The following ZFYVE9 variants were observed in gnomAD, a reference collection of about 807,000 sequenced individuals.
ZFYVE9 encodes zinc finger FYVE domain-containing protein 9.
ZFYVE9 carries 43 observed loss-of-function variants against 126.7 expected under a neutral mutation model. The observed-to-expected ratio is 0.34, with a 90% CI of 0.27 to 0.44. The LOEUF (loss-of-function observed/expected upper bound fraction) is 0.44, where lower values mean the gene tolerates loss of function less well. Among genes scored for constraint, ZFYVE9 ranks in the 20% least tolerant of loss-of-function variants. The probability of loss-of-function intolerance (pLI) is 1.00; values close to 1 mark genes in which losing one functional copy is unlikely to be tolerated. For missense variants in ZFYVE9, 1,476 were observed against 1,697.0 expected, an observed-to-expected ratio of 0.87 and a Z score of 2.29; for synonymous variants, 521 against 597.4, an observed-to-expected ratio of 0.87 and a Z score of 1.87.
rs556024128 is a variant in ZFYVE9, at chr1:52,142,522, C to T, written c.-143+119C>T. On this transcript the variant is annotated intron_variant, in intron 1 of 18. Coordinates refer to ENST00000287727, the MANE Select transcript of ZFYVE9 (RefSeq NM_004799.4). This position sits in a 1 kb window ranked among gnomAD's most constrained non-coding sequence, Gnocchi z 4.5. ...CTGCCACTGCGGTCGCCTCCCCCAC[C>T]CTGCGGTCCTGGGGCCTCAGCCCTT... The T allele has an allele frequency of 6.6e-6, 1 of 152,266 alleles. No homozygotes were observed. Among genetic ancestry groups the T allele is most frequent in the Non-Finnish European group, 1.5e-5 (1 of 68,010 alleles). The allele number at this position is 152,266 out of a possible 1,614,324, so 9.4% of individuals were successfully genotyped here.
At chr1:52,263,136 G>C (rs1408972416) in intron 4 of ZFYVE9, among the ~76,000 whole-genome samples, 2 of 151,232 alleles carry the variant, frequency 1.3e-5, no homozygotes, top group African/African-American at 4.9e-5. Context: ...GATTGTTGTT[G>C]CCTGGTGTAG....
At chr1:52,243,767 A>G (rs1457745598) in intron 4 of ZFYVE9, among the ~76,000 whole-genome samples, 1 of 151,982 alleles carries the variant, frequency 6.6e-6, no homozygotes, top group Non-Finnish European at 1.5e-5. Flanking sequence ...CTCCACTAAA[A>G]AAAAAAAAAT....
chr1:52,299,893 G>A (rs965299442), intron 12 of ZFYVE9, among the ~76,000 whole-genome samples: 5 of 152,242 alleles, frequency 3.3e-5, no homozygotes, highest in Non-Finnish European at 5.9e-5. Context: ...CAACTCTGGA[G>A]CAGTGTAGTC....
chr1:52,298,950 A>G (rs1027825462), intron 12 of ZFYVE9, among the ~76,000 whole-genome samples: 4 of 151,724 alleles, frequency 2.6e-5, no homozygotes, highest in African/African-American at 9.7e-5. Context: ...CTGGGACTAC[A>G]GGTGCCCGCC....
chr1:52,147,044 T>C (rs1368013268), intron 1 of ZFYVE9, among the ~76,000 whole-genome samples: 1 of 152,152 alleles, frequency 6.6e-6, no homozygotes, highest in African/African-American at 2.4e-5. Context: ...CTTTGTTTCA[T>C]GTACAAAATT....
intron 1 of ZFYVE9, among the ~76,000 whole-genome samples, chr1:52,197,969 A>C (rs61782513): frequency 4.7e-4 from 72 of 152,282 alleles, no homozygotes; most frequent in Non-Finnish European, 9.3e-4. Flanking sequence ...TGGCCTCAGA[A>C]TTTGAGTGAG....
intron 4 of ZFYVE9, among the ~76,000 whole-genome samples, chr1:52,241,326 T>G (rs1645331827): frequency 6.6e-6 from 1 of 152,194 alleles, no homozygotes; most frequent in South Asian, 2.1e-4. Context: ...ACTGGGCTTG[T>G]TGGTCTCTGA....
intron 9 of ZFYVE9, 117 bp downstream of exon 9, chr1:52,278,731 CTTTT>C: frequency 1.0e-5 from 5 of 480,678 alleles, no homozygotes; most frequent in South Asian, 6.4e-5. Flanking sequence ...TTTTTTTTTT[CTTTT>C]TTTTTTTTTG....
At chr1:52,181,996 G>T (rs930031604) in intron 1 of ZFYVE9, among the ~76,000 whole-genome samples, 1 of 151,736 alleles carries the variant, frequency 6.6e-6, no homozygotes, top group Admixed American at 6.6e-5. Context: ...CCGGAGGGAG[G>T]CGAGGGGGTC....
At chr1:52,164,298 C>T (rs764681316) in intron 1 of ZFYVE9, among the ~76,000 whole-genome samples, 7 of 152,124 alleles carry the variant, frequency 4.6e-5, no homozygotes, top group Non-Finnish European at 1.5e-5. Flanking sequence ...ACTGCAACCT[C>T]TGCCTCCCAG....
chr1:52,304,821 A>G (rs995094597), intron 13 of ZFYVE9, among the ~76,000 whole-genome samples: 1 of 151,990 alleles, frequency 6.6e-6, no homozygotes, highest in Non-Finnish European at 1.5e-5. Context: ...ATATTAGAAA[A>G]TAGTAGCTAG....
chr1:52,296,993 G>T (rs934749995), intron 12 of ZFYVE9, among the ~76,000 whole-genome samples: 2 of 152,226 alleles, frequency 1.3e-5, no homozygotes, highest in Admixed American at 1.3e-4. Context: ...TTTTTGTAGA[G>T]AGAGCGTTTT....
chr1:52,217,413 A>G (rs1645082115), intron 2 of ZFYVE9, among the ~76,000 whole-genome samples: 2 of 152,106 alleles, frequency 1.3e-5, no homozygotes, highest in South Asian at 4.1e-4. Context: ...CGTCCCAACA[A>G]TTTCCCCTCT....
intron 1 of ZFYVE9, among the ~76,000 whole-genome samples, chr1:52,180,975 C>CAA (rs746468501): frequency 0.028 from 1,490 of 53,162 alleles, 26 homozygotes; most frequent in East Asian, 0.052. Context: ...AACTCCGTCT[C>CAA]AAAAAAAAAA....
intron 1 of ZFYVE9, among the ~76,000 whole-genome samples, chr1:52,182,036 G>A (rs1395944232): frequency 6.6e-6 from 1 of 150,892 alleles, no homozygotes; most frequent in East Asian, 2.0e-4. Context: ...CGCCCCGTCC[G>A]GGAGGGAGGC....
chr1:52,227,017 A>C (rs902528328), intron 2 of ZFYVE9, among the ~76,000 whole-genome samples: 3 of 152,174 alleles, frequency 2.0e-5, no homozygotes, highest in Non-Finnish European at 4.4e-5. Context: ...TTTTCCTTTC[A>C]GAAGGGGTAG....
chr1:52,275,382 T>C (rs1473331278), intron 8 of ZFYVE9, among the ~76,000 whole-genome samples: 2 of 152,254 alleles, frequency 1.3e-5, no homozygotes, highest in Non-Finnish European at 1.5e-5. Context: ...TAGAACAATT[T>C]ATTTTCTTTT....
At chr1:52,207,395 C>T (rs1283956869) in intron 1 of ZFYVE9, among the ~76,000 whole-genome samples, 4 of 152,134 alleles carry the variant, frequency 2.6e-5, no homozygotes, top group Non-Finnish European at 4.4e-5. Context: ...AAACACTCAC[C>T]TTGTTCTTTA....
chr1:52,345,642 T>A (rs1451387174), intron 18 of ZFYVE9: 2 of 156,268 alleles, frequency 1.3e-5, no homozygotes, highest in Non-Finnish European at 2.8e-5. Context: ...GATCCCTGCA[T>A]TTGTAGTTGC....
Sources: gnomAD v4.1 joint callset for allele counts (sites outside exome capture counted in the v4.1 genomes callset) on GRCh38, gnomAD v4.1.1 for gene constraint, Gnocchi (gnomAD v3.1) non-coding constraint, MANE v1.5 for transcripts, NCBI Gene and HGNC (gene_info 2026-07-23, HGNC 2026-07-21) for gene names.